PGS1: variants seen among roughly 807,000 people sequenced by gnomAD.
The protein encoded by PGS1 is CDP-diacylglycerol--glycerol-3-phosphate 3-phosphatidyltransferase, mitochondrial.
PGS1 carries 44 observed loss-of-function variants against 58.3 expected under a neutral mutation model. The ratio of observed to expected loss-of-function variants is 0.75; its 90% CI spans 0.59 to 0.97. The LOEUF is 0.97. Ranked by LOEUF, PGS1 falls within the 50% of genes least tolerant of loss-of-function variation. PGS1 has a pLI of 0.00. For missense variants in PGS1, 684 were observed against 731.1 expected, an observed-to-expected ratio of 0.94 and a Z score of 0.74; for synonymous variants, 330 against 311.0, an observed-to-expected ratio of 1.06 and a Z score of -0.64.
chr17:78,400,876 C>T lies in PGS1; in HGVS notation c.880+21C>T, dbSNP rs1435302621. The stretch of plus-strand genomic sequence containing the variant: ...CAAAGGTAGGGGCTGCCGCTGACAC[C>T]CTTCTATGGCTGTGGGTGGGGTGGA... On this transcript the variant is annotated intron_variant, in intron 6 of 9. Coordinates refer to ENST00000262764, the MANE Select transcript of PGS1 (RefSeq NM_024419.5). The surrounding 1 kb of genome is among the most constrained non-coding windows in gnomAD (Gnocchi z 4.4). The T allele has an allele frequency of 2.6e-6, 4 of 1,558,906 alleles. No individual in the cohort carries two copies. The highest frequency in any genetic ancestry group is 1.3e-5 in the African/African-American group (1 of 74,074).
In PGS1 at chr17:78,418,022, C is replaced by T. The variant is rs962848396; in HGVS notation, c.1552-1524C>T. Among the ~76,000 whole-genome samples, 6 of 150,250 alleles carry T rather than the reference C, an allele frequency of 4.0e-5. No homozygotes were observed. In the South Asian group the frequency reaches 6.4e-4, roughly 16 times the overall value. ...TCGGCTCACTGTAACCTCTGCCTCC[C>T]GGGTTCAAGCGATTCTCCTGCCTCA... On this transcript the variant is annotated intron_variant, in intron 8 of 9. Coordinates refer to ENST00000262764, the MANE Select transcript of PGS1 (RefSeq NM_024419.5).
chr17:78,408,552 A>C (rs2084353705), intron 7 of PGS1, among the ~76,000 whole-genome samples: 1 of 152,100 alleles, frequency 6.6e-6, no homozygotes, highest in South Asian at 2.1e-4. Context: ...CTGGGGGCCG[A>C]GGGCTGCTGC....
At chr17:78,413,226 C>T (rs1249898558) in intron 7 of PGS1, among the ~76,000 whole-genome samples, 1 of 152,222 alleles carries the variant, frequency 6.6e-6, no homozygotes, top group Non-Finnish European at 1.5e-5. Flanking sequence ...CACCTCTTAC[C>T]CAAGATGTTC....
At chr17:78,387,215 G>T (rs1024574675) in intron 1 of PGS1, among the ~76,000 whole-genome samples, 1 of 151,924 alleles carries the variant, frequency 6.6e-6, no homozygotes, top group South Asian at 2.1e-4. Flanking sequence ...TGTTGGCTAG[G>T]CTGGTCTCGA....
intron 1 of PGS1, among the ~76,000 whole-genome samples, chr17:78,390,109 C>T (rs931383272): frequency 7.7e-6 from 1 of 129,170 alleles, no homozygotes; most frequent in Non-Finnish European, 1.6e-5. Context: ...GACTCTAGGC[C>T]CCTTGGGGCC....
rs945319849 is a variant in PGS1 at position 78,424,422 on chromosome 17, C to G, written c.*372C>G. On this transcript the variant is annotated 3_prime_UTR_variant, in exon 10 of 10. Transcript: ENST00000262764. ...TAAATCTGTGGCATTTTCAGAGCCT[C>G]ATCTGTCAGCCTTAATGTCAGTGGC... 2.4e-6 allele frequency: 1 copy of G among 422,804 alleles called. No homozygotes were observed. The highest frequency in any genetic ancestry group is 3.9e-5 in the Admixed American group (1 of 25,758). 26.2% of individuals were successfully genotyped at this position (422,804 alleles called of 1,614,324 possible). A position where few individuals can be genotyped will look rare whatever the true frequency, so the allele number is the denominator to read the frequency against.
intron 1 of PGS1, among the ~76,000 whole-genome samples, chr17:78,390,115 G>A (rs1185554022): frequency 1.5e-5 from 2 of 137,464 alleles, no homozygotes; most frequent in Non-Finnish European, 3.0e-5. Flanking sequence ...AGGCCCCTTG[G>A]GGCCTCGGGT....
chr17:78,383,289 C>G (rs1250955030), intron 1 of PGS1, among the ~76,000 whole-genome samples: 3 of 151,906 alleles, frequency 2.0e-5, no homozygotes, highest in Non-Finnish European at 4.4e-5. Flanking sequence ...CTCTTGATGC[C>G]CAGGCTGAGG....
At chr17:78,384,764 A>C (rs1052800983) in intron 1 of PGS1, among the ~76,000 whole-genome samples, 2 of 151,672 alleles carry the variant, frequency 1.3e-5, no homozygotes, top group African/African-American at 4.8e-5. Flanking sequence ...TTTTGAAAAA[A>C]CCCCAAGAAG....
At chr17:78,414,355 C>T (rs374889300) in intron 7 of PGS1, among the ~76,000 whole-genome samples, 2 of 152,346 alleles carry the variant, frequency 1.3e-5, no homozygotes, top group Middle Eastern at 3.4e-3. Flanking sequence ...CCGTGTTGCG[C>T]GCTGAGGTGG....
At chr17:78,409,756 T>C (rs4969187) in intron 7 of PGS1, among the ~76,000 whole-genome samples, 94,778 of 152,064 alleles carry the variant, frequency 0.62, 29,620 homozygotes, top group Admixed American at 0.66. Flanking sequence ...ACTGTGGGAG[T>C]GCTTGAGGGA....
In PGS1 at chr17:78,378,673, TGGC is replaced by T. The variant is rs752415030; in HGVS notation, c.15_17del (p.Ala9del). ...CGGAAGCGGCGAGTCTCCATGGCGG[TGGC>T]GGCGGCAGCTGCGGCGGGACCCGTG... On this transcript the variant is annotated inframe_deletion, in exon 1 of 10. Transcript: ENST00000262764. 2 of 1,533,800 alleles carry T rather than the reference TGGC, an allele frequency of 1.3e-6. No homozygotes were observed. The highest frequency in any genetic ancestry group is 1.7e-6 in the Non-Finnish European group (2 of 1,147,922).
intron 1 of PGS1, among the ~76,000 whole-genome samples, chr17:78,389,572 C>T (rs1484478750): frequency 6.8e-6 from 1 of 147,270 alleles, no homozygotes; most frequent in Non-Finnish European, 1.5e-5. Context: ...CCACCTGCCT[C>T]GGCCTCCCAA....
At chr17:78,418,796 G>T (rs2085433803) in intron 8 of PGS1, among the ~76,000 whole-genome samples, 1 of 152,086 alleles carries the variant, frequency 6.6e-6, no homozygotes, top group Non-Finnish European at 1.5e-5. Flanking sequence ...ATCAGTGTGG[G>T]GGATAATGAC....
rs10599132 is a variant in PGS1 at position 78,402,397 on chromosome 17, CATATAT to C, written c.881-1145_881-1140del. 3.4e-3 allele frequency among the ~76,000 whole-genome samples: 365 copies of C among 108,368 alleles called. 1 individual carries two copies. The highest frequency in any genetic ancestry group is 5.4e-3 in the Non-Finnish European group (264 of 48,704). 71.1% of individuals were successfully genotyped at this position (108,368 alleles called of 152,430 possible). Reference sequence around the variant, plus strand: ...CATTTTCATTCTAGTAATTTCTATTCATATATATATATATATATATATATATATATA... The same window carrying C: ...CATTTTCATTCTAGTAATTTCTATTCATATATATATATATATATATATATA... On this transcript the variant is annotated intron_variant, in intron 6 of 9. Coordinates refer to ENST00000262764, the MANE Select transcript of PGS1 (RefSeq NM_024419.5).
intron 7 of PGS1, 129 bp downstream of exon 7, chr17:78,404,218 G>A (rs2083925315): frequency 1.0e-6 from 1 of 998,526 alleles, no homozygotes; most frequent in Non-Finnish European, 1.4e-6. Flanking sequence ...AGCAGCCCTT[G>A]CAGGCACATC....
intron 9 of PGS1, chr17:78,420,231 CTCT>C: frequency 2.0e-6 from 2 of 990,722 alleles, no homozygotes; most frequent in Non-Finnish European, 2.4e-6. Context: ...CCCTTCTAGA[CTCT>C]GGAAGTTGAG....
Position 78,424,432 on chromosome 17 carries a change from C to T in PGS1, c.*382C>T, listed in dbSNP as rs189661855. ...GCATTTTCAGAGCCTCATCTGTCAG[C>T]CTTAATGTCAGTGGCAGGAAGTCAT... is the stretch of plus-strand genomic sequence containing the variant. On this transcript the variant is annotated 3_prime_UTR_variant, in exon 10 of 10. Transcript: ENST00000262764. 660 of 402,418 alleles carry T rather than the reference C, an allele frequency of 1.6e-3. 8 individuals are homozygous for T. In the Admixed American group the frequency reaches 0.024, roughly 15 times the overall value. 24.9% of individuals were successfully genotyped at this position (402,418 alleles called of 1,614,324 possible). A position where few individuals can be genotyped will look rare whatever the true frequency, so the allele number is the denominator to read the frequency against.
intron 1 of PGS1, among the ~76,000 whole-genome samples, chr17:78,381,698 A>G (rs1050556252): frequency 1.3e-5 from 2 of 152,300 alleles, no homozygotes; most frequent in South Asian, 4.1e-4. Flanking sequence ...GATCTGAGTC[A>G]GCTGTTGGAG....
Sources: gnomAD v4.1 joint callset for allele counts (sites outside exome capture counted in the v4.1 genomes callset) on GRCh38, gnomAD v4.1.1 for gene constraint, Gnocchi (gnomAD v3.1) non-coding constraint, MANE v1.5 for transcripts, NCBI Gene and HGNC (gene_info 2026-07-23, HGNC 2026-07-21) for gene names.